The following SPOP variants were observed in gnomAD, a reference collection of about 807,000 sequenced individuals.
SPOP encodes the protein speckle type BTB/POZ protein, also known as speckle-type POZ protein.
Under a neutral mutation model 45.6 loss-of-function variants are expected in SPOP, and 11 were observed. The ratio of observed to expected loss-of-function variants is 0.24; its 90% CI spans 0.15 to 0.40. The LOEUF is 0.40. Ranked by LOEUF, SPOP falls within the 10% of genes least tolerant of loss-of-function variation. The pLI, the probability that SPOP is intolerant of heterozygous loss-of-function variation, is 1.00. For missense variants in SPOP, 152 were observed against 465.6 expected, an observed-to-expected ratio of 0.33 and a Z score of 6.20; for synonymous variants, 166 against 166.3, an observed-to-expected ratio of 1.00 and a Z score of 0.01.
chr17:49,604,147 G>A (rs186006297), intron 8 of SPOP, among the ~76,000 whole-genome samples: 47 of 152,330 alleles, frequency 3.1e-4, no homozygotes, highest in Non-Finnish European at 5.7e-4. Flanking sequence ...TCAGAGCACA[G>A]ATCAGGCAGA....
chr17:49,671,049 G>C (rs1417673264), intron 1 of SPOP, among the ~76,000 whole-genome samples: 2 of 151,880 alleles, frequency 1.3e-5, no homozygotes, highest in African/African-American at 2.4e-5. Context: ...TTTCATCTTA[G>C]AAAAAAACAA....
At chr17:49,653,083 T>C (rs948182796) in intron 1 of SPOP, among the ~76,000 whole-genome samples, 7 of 152,170 alleles carry the variant, frequency 4.6e-5, no homozygotes, top group African/African-American at 1.7e-4. Flanking sequence ...CTTTCCTGAA[T>C]CTGAATTTCC....
intron 1 of SPOP, among the ~76,000 whole-genome samples, chr17:49,671,706 A>G (rs1322764245): frequency 1.3e-5 from 2 of 152,216 alleles, no homozygotes; most frequent in Non-Finnish European, 2.9e-5. Flanking sequence ...TCAATTTTTT[A>G]GTAGAAATTA....
intron 1 of SPOP, among the ~76,000 whole-genome samples, chr17:49,668,387 A>G (rs765755370): frequency 1.1e-4 from 17 of 152,228 alleles, no homozygotes; most frequent in Non-Finnish European, 1.8e-4. Context: ...CTCAAGTTAC[A>G]TGTATCAACA....
chr17:49,606,128 T>C (rs905180447), intron 8 of SPOP, among the ~76,000 whole-genome samples: 9 of 152,138 alleles, frequency 5.9e-5, no homozygotes, highest in Non-Finnish European at 1.3e-4. Flanking sequence ...ATAGTTGTTA[T>C]ACTATTTTGG....
chr17:49,623,952 C>T (rs1322382261), intron 1 of SPOP, among the ~76,000 whole-genome samples: 3 of 152,144 alleles, frequency 2.0e-5, no homozygotes, highest in African/African-American at 4.8e-5. Context: ...CAAATTTCTA[C>T]CTTTATACAA....
intron 5 of SPOP, 120 bp downstream of exon 5, chr17:49,618,861 G>A (rs2072147644): frequency 1.7e-6 from 2 of 1,210,206 alleles, no homozygotes; most frequent in Non-Finnish European, 2.3e-6. Context: ...AATAACATTT[G>A]TGCAGCACTA....
chr17:49,638,216 T>C (rs1437981106), intron 1 of SPOP, among the ~76,000 whole-genome samples: 1 of 152,190 alleles, frequency 6.6e-6, no homozygotes, highest in Non-Finnish European at 1.5e-5. Context: ...GAGTCTAACA[T>C]AGGCAGAAAA....
intron 1 of SPOP, among the ~76,000 whole-genome samples, chr17:49,673,232 A>G (rs1400326272): frequency 2.0e-5 from 3 of 152,168 alleles, no homozygotes; most frequent in Non-Finnish European, 4.4e-5. Flanking sequence ...ACGGCTGGGC[A>G]CGGTGGCTCA....
intron 1 of SPOP, among the ~76,000 whole-genome samples, chr17:49,644,423 T>A (rs1023256410): frequency 6.6e-6 from 1 of 152,052 alleles, no homozygotes; most frequent in Non-Finnish European, 1.5e-5. Flanking sequence ...ATGAGGTAGT[T>A]TAGGACAAAA....
Position 49,633,732 on chromosome 17 carries a change from G to C in SPOP, c.-66-10856C>G, listed in dbSNP as rs2072493207. On this transcript the variant is annotated intron_variant, in intron 1 of 9. Coordinates refer to ENST00000504102, the MANE Select transcript of SPOP (RefSeq NM_001007228.2). ...AAGTTTGTCCTAGAAAGGGGCAGAT[G>C]CCACTCAAACACCTTGTAGGACTGC... 2.0e-5 allele frequency among the ~76,000 whole-genome samples: 3 copies of C among 152,176 alleles called. No individual in the cohort carries two copies. In the South Asian group the frequency reaches 6.2e-4, roughly 31 times the overall value.
intron 1 of SPOP, among the ~76,000 whole-genome samples, chr17:49,668,797 G>A (rs1278830118): frequency 3.6e-5 from 5 of 139,834 alleles, no homozygotes; most frequent in South Asian, 2.2e-4. Flanking sequence ...TTTTTGAGAC[G>A]GAGTCTCTCA....
At chr17:49,614,476 A>C (rs1483347990) in intron 5 of SPOP, among the ~76,000 whole-genome samples, 2 of 152,268 alleles carry the variant, frequency 1.3e-5, no homozygotes, top group African/African-American at 4.8e-5. Context: ...GTGCATGATA[A>C]CATAAAATTC....
At chr17:49,658,028 T>C (rs1053301826) in intron 1 of SPOP, among the ~76,000 whole-genome samples, 3 of 152,100 alleles carry the variant, frequency 2.0e-5, no homozygotes, top group African/African-American at 7.2e-5. Context: ...AAGGAAAAAC[T>C]GGAGGAAAAA....
rs2143275227 is a variant in SPOP, at chr17:49,619,407, A to G, written c.201-22T>C. 1 of 1,583,446 alleles carries G rather than the reference A, an allele frequency of 6.3e-7. No homozygotes were observed. The highest frequency in any genetic ancestry group is 8.6e-7 in the Non-Finnish European group (1 of 1,169,128). On this transcript the variant is annotated intron_variant, in intron 3 of 9. Coordinates refer to ENST00000504102, the MANE Select transcript of SPOP (RefSeq NM_001007228.2). The surrounding 1 kb of genome is among the most constrained non-coding windows in gnomAD (Gnocchi z 4.9). ...ACACCTGTCCAAAACAGATAGAAAA[A>G]AAAAATGTCAAAAGCATCCATTTTG...
chr17:49,606,177 A>T (rs2071840384), intron 8 of SPOP, among the ~76,000 whole-genome samples: 2 of 151,932 alleles, frequency 1.3e-5, no homozygotes, highest in South Asian at 2.1e-4. Context: ...TTTTTGAAAC[A>T]AGGTCTCGTT....
chr17:49,617,526 G>A (rs1185210664), intron 5 of SPOP, among the ~76,000 whole-genome samples: 1 of 150,856 alleles, frequency 6.6e-6, no homozygotes, highest in Admixed American at 6.6e-5. Context: ...AATTAAAAAG[G>A]AGAGGGGATA....
chr17:49,674,435 G>T (rs2073175053), intron 1 of SPOP, among the ~76,000 whole-genome samples: 1 of 152,054 alleles, frequency 6.6e-6, no homozygotes, highest in Non-Finnish European at 1.5e-5. Context: ...GTTCAATCTT[G>T]GTAGACTACA....
At chr17:49,663,428 C>T (rs972384790) in intron 1 of SPOP, among the ~76,000 whole-genome samples, 1 of 152,228 alleles carries the variant, frequency 6.6e-6, no homozygotes, top group Non-Finnish European at 1.5e-5. Context: ...AGCTATTACT[C>T]ATCAGCATAA....
Sources: gnomAD v4.1 joint callset for allele counts (sites outside exome capture counted in the v4.1 genomes callset) on GRCh38, gnomAD v4.1.1 for gene constraint, Gnocchi (gnomAD v3.1) non-coding constraint, MANE v1.5 for transcripts, NCBI Gene and HGNC (gene_info 2026-07-23, HGNC 2026-07-21) for gene names.